The following MMP16 variants were observed in gnomAD, a reference collection of about 807,000 sequenced individuals.
MMP16 encodes the protein matrix metallopeptidase 16, also known as matrix metalloproteinase-16.
A neutral mutation model predicts 67.8 loss-of-function variants in MMP16; 12 were observed. The ratio of observed to expected loss-of-function variants is 0.18; its 90% CI spans 0.11 to 0.29. MMP16 has a LOEUF of 0.29. MMP16 is among the 10% of genes least tolerant of loss of function. The pLI is 1.00. For synonymous variants in MMP16, 249 were observed against 255.9 expected, an observed-to-expected ratio of 0.97 and a Z score of 0.26; for missense variants, 475 against 765.7, an observed-to-expected ratio of 0.62 and a Z score of 4.48.
At chr8:88,255,297 C>A (rs1563575209) in intron 1 of MMP16, among the ~76,000 whole-genome samples, 1 of 152,138 alleles carries the variant, frequency 6.6e-6, no homozygotes, top group Non-Finnish European at 1.5e-5. Flanking sequence ...ACCAGATCCC[C>A]CTTCACCTTT....
In MMP16 at chr8:88,052,012, T is replaced by G. The variant is rs1586124082; in HGVS notation, c.1373+4116A>C. The stretch of plus-strand genomic sequence containing the variant: ...ATTTTAATCTGAATTTACAGATTTA[T>G]TTAAAGAACCGTCATTTCATCTACT... On this transcript the variant is annotated intron_variant, in intron 8 of 9. Transcript: ENST00000286614. 1.3e-5 allele frequency among the ~76,000 whole-genome samples: 2 copies of G among 152,344 alleles called. 1 individual carries two copies. The highest frequency in any genetic ancestry group is 2.9e-5 in the Non-Finnish European group (2 of 68,036).
chr8:88,162,359 A>G (rs1232986837), intron 4 of MMP16, among the ~76,000 whole-genome samples: 2 of 152,088 alleles, frequency 1.3e-5, no homozygotes. Flanking sequence ...AAGAACAAAC[A>G]TATATAAATC....
intron 3 of MMP16, among the ~76,000 whole-genome samples, chr8:88,171,579 T>C (rs7824083): frequency 4.4e-3 from 677 of 152,200 alleles, no homozygotes; most frequent in African/African-American, 0.015. Context: ...TTGGATAGAA[T>C]AAAGATAGCT....
intron 6 of MMP16, among the ~76,000 whole-genome samples, chr8:88,083,568 A>C (rs542945302): frequency 2.6e-5 from 4 of 152,136 alleles, no homozygotes; most frequent in Non-Finnish European, 5.9e-5. Flanking sequence ...GTTCGAGAGT[A>C]GTAATCATTA....
intron 4 of MMP16, among the ~76,000 whole-genome samples, chr8:88,136,980 A>AT (rs889126826): frequency 2.6e-5 from 4 of 151,510 alleles, no homozygotes; most frequent in East Asian, 1.9e-4. Flanking sequence ...TTATATACAT[A>AT]TTTTTTTTCT....
chr8:88,324,538 A>G (rs1340131346), intron 1 of MMP16, among the ~76,000 whole-genome samples: 1 of 152,140 alleles, frequency 6.6e-6, no homozygotes, highest in Non-Finnish European at 1.5e-5. Flanking sequence ...TTCCAACTAT[A>G]AAAACTTTCT....
intron 1 of MMP16, among the ~76,000 whole-genome samples, chr8:88,217,570 T>C (rs1351774363): frequency 1.3e-5 from 2 of 152,040 alleles, no homozygotes; most frequent in Admixed American, 6.6e-5. Flanking sequence ...CTTCATCATC[T>C]TAAACCTACT....
intron 1 of MMP16, among the ~76,000 whole-genome samples, chr8:88,229,083 C>T (rs926765710): frequency 2.6e-5 from 4 of 151,862 alleles, no homozygotes; most frequent in African/African-American, 9.7e-5. Flanking sequence ...ATTGCTTGAG[C>T]TCAGGAGGTC....
chr8:88,125,805 A>T (rs1313487106), intron 4 of MMP16, among the ~76,000 whole-genome samples: 2 of 151,846 alleles, frequency 1.3e-5, no homozygotes, highest in East Asian at 3.9e-4. Context: ...GTTTCATGTT[A>T]TTTATTTTTG....
At chr8:88,245,437 G>C (rs78449451) in intron 1 of MMP16, among the ~76,000 whole-genome samples, 9,479 of 152,226 alleles carry the variant, frequency 0.062, 309 homozygotes, top group South Asian at 0.094. Flanking sequence ...TATTTTGACA[G>C]CTGAGCTAGG....
chr8:88,245,814 C>T (rs1289871611), intron 1 of MMP16, among the ~76,000 whole-genome samples: 1 of 152,140 alleles, frequency 6.6e-6, no homozygotes, highest in East Asian at 1.9e-4. Flanking sequence ...AAGTGATGCA[C>T]ATTCCCAAGG....
chr8:88,229,897 G>A (rs989463971), intron 1 of MMP16, among the ~76,000 whole-genome samples: 3 of 152,076 alleles, frequency 2.0e-5, no homozygotes, highest in African/African-American at 4.8e-5. Flanking sequence ...AATTTAGAAT[G>A]TAGTTAAGAG....
intron 1 of MMP16, among the ~76,000 whole-genome samples, chr8:88,252,188 T>C (rs1044707726): frequency 6.6e-6 from 1 of 151,090 alleles, no homozygotes; most frequent in Non-Finnish European, 1.5e-5. Flanking sequence ...TAAAGACACA[T>C]GCACACGTAT....
At chr8:88,252,647 A>G (rs1586227831) in intron 1 of MMP16, among the ~76,000 whole-genome samples, 1 of 490 alleles carries the variant, frequency 2.0e-3, no homozygotes, top group Non-Finnish European at 0.015. Context: ...ACCTCTTAGC[A>G]AAAAAAAAAA....
intron 6 of MMP16, among the ~76,000 whole-genome samples, chr8:88,116,248 T>C (rs1191024361): frequency 2.0e-5 from 3 of 152,116 alleles, no homozygotes; most frequent in Non-Finnish European, 4.4e-5. Flanking sequence ...CTTCATAACA[T>C]GCAGCATTTT....
At chr8:88,211,480 G>T (rs1215321259) in intron 1 of MMP16, among the ~76,000 whole-genome samples, 1 of 152,122 alleles carries the variant, frequency 6.6e-6, no homozygotes, top group Non-Finnish European at 1.5e-5. Context: ...CAGGTGTTGT[G>T]ATAGGGGTTT....
intron 2 of MMP16, among the ~76,000 whole-genome samples, chr8:88,188,924 G>C (rs1809122414): frequency 6.6e-6 from 1 of 152,056 alleles, no homozygotes; most frequent in Admixed American, 6.6e-5. Context: ...CAAAGTGCTG[G>C]GATTACAGGC....
At chr8:88,161,735 G>A (rs943899879) in intron 4 of MMP16, among the ~76,000 whole-genome samples, 3 of 152,088 alleles carry the variant, frequency 2.0e-5, no homozygotes, top group South Asian at 4.1e-4. Flanking sequence ...GTGTCCCAGA[G>A]ATTCTGGTAT....
chr8:88,060,494 T>C (rs535279696), intron 7 of MMP16, among the ~76,000 whole-genome samples: 49 of 152,280 alleles, frequency 3.2e-4, no homozygotes, highest in African/African-American at 1.2e-3. Flanking sequence ...TCATTATATG[T>C]CATTTCAAGG....
Sources: gnomAD v4.1 joint callset for allele counts (sites outside exome capture counted in the v4.1 genomes callset) on GRCh38, gnomAD v4.1.1 for gene constraint, MANE v1.5 for transcripts, NCBI Gene and HGNC (gene_info 2026-07-23, HGNC 2026-07-21) for gene names.